MED13L: variants seen among roughly 807,000 people sequenced by gnomAD.
MED13L encodes the protein mediator complex subunit 13L.
MED13L carries 7 observed loss-of-function variants against 220.9 expected under a neutral mutation model. The ratio of observed to expected loss-of-function variants is 0.03; its 90% CI spans 0.02 to 0.06. The LOEUF (loss-of-function observed/expected upper bound fraction) is 0.06. Among genes scored for constraint, MED13L ranks in the 10% least tolerant of loss-of-function variants. MED13L has a pLI of 1.00. For synonymous variants in MED13L, 1,011 were observed against 1,015.2 expected, an observed-to-expected ratio of 1.00 and a Z score of 0.08; for missense variants, 1,965 against 2,760.5, an observed-to-expected ratio of 0.71 and a Z score of 6.46.
At chr12:116,235,280 G>A (rs983996031) in intron 2 of MED13L, among the ~76,000 whole-genome samples, 30 of 152,014 alleles carry the variant, frequency 2.0e-4, no homozygotes, top group African/African-American at 6.8e-4. Flanking sequence ...AAGAGGAGAC[G>A]CACTCAATGA....
At chr12:115,993,938 A>G (rs1878235734) in intron 16 of MED13L, among the ~76,000 whole-genome samples, 1 of 152,212 alleles carries the variant, frequency 6.6e-6, no homozygotes, top group Non-Finnish European at 1.5e-5. Flanking sequence ...GCATGTGACA[A>G]AGGAGGAGTC....
At chr12:116,096,246 T>C (rs1350952541) in intron 4 of MED13L, among the ~76,000 whole-genome samples, 1 of 149,102 alleles carries the variant, frequency 6.7e-6, no homozygotes, top group Non-Finnish European at 1.5e-5. Flanking sequence ...TCCCAGCTAC[T>C]TGGGAGGCTG....
chr12:116,194,619 C>T (rs1881502659), intron 2 of MED13L, among the ~76,000 whole-genome samples: 1 of 152,148 alleles, frequency 6.6e-6, no homozygotes, highest in Non-Finnish European at 1.5e-5. Flanking sequence ...GCTAAATAAA[C>T]TTTGGCTGAA....
intron 4 of MED13L, among the ~76,000 whole-genome samples, chr12:116,067,866 A>G (rs1566040802): frequency 6.6e-6 from 1 of 152,242 alleles, no homozygotes; most frequent in African/African-American, 2.4e-5. Context: ...TGTCTGGAAC[A>G]CAACAAGACT....
intron 2 of MED13L, 75 bp downstream of exon 2, chr12:116,237,393 T>C (rs1870187481): frequency 2.2e-5 from 26 of 1,179,264 alleles, no homozygotes; most frequent in Non-Finnish European, 3.0e-5. Flanking sequence ...CAAGTCTTAA[T>C]AATCTGTTTG....
intron 4 of MED13L, among the ~76,000 whole-genome samples, chr12:116,027,132 C>A (rs944266530): frequency 5.3e-5 from 8 of 152,100 alleles, no homozygotes; most frequent in Non-Finnish European, 1.0e-4. Flanking sequence ...ATTTAAAAAA[C>A]CTAATAACAG....
At chr12:115,968,421 G>A (rs1427793834) in intron 28 of MED13L, among the ~76,000 whole-genome samples, 2 of 152,096 alleles carry the variant, frequency 1.3e-5, no homozygotes, top group Non-Finnish European at 2.9e-5. Context: ...ATCTCCTGGC[G>A]GCTCTTGCCA....
intron 27 of MED13L, 80 bp from the exon 28 acceptor site, chr12:115,969,177 T>C (rs1012164022): frequency 2.7e-6 from 4 of 1,483,010 alleles, no homozygotes; most frequent in African/African-American, 2.8e-5. Context: ...CAACCTAACC[T>C]ATGTCATGTT....
rs571025120 is a variant in MED13L, at chr12:116,150,715, A to G, written c.311-39203T>C. ...ATTATTATCTGTTTGTACAGCTCTAAGCCAGAAAATAGTGAAAACTTATTT... is the reference window on the plus strand; with the variant it reads ...ATTATTATCTGTTTGTACAGCTCTAGGCCAGAAAATAGTGAAAACTTATTT... On this transcript the variant is annotated intron_variant, in intron 2 of 30. Transcript: ENST00000281928. Among the ~76,000 whole-genome samples, 76 of 152,344 alleles carry G rather than the reference A, an allele frequency of 5.0e-4. 1 individual carries two copies. The highest frequency in any genetic ancestry group is 3.4e-3 in the Middle Eastern group (1 of 294).
intron 2 of MED13L, among the ~76,000 whole-genome samples, chr12:116,179,204 CGTGTGTGTGTGTGTGT>C (rs60501771): frequency 6.8e-6 from 1 of 148,096 alleles, no homozygotes; most frequent in South Asian, 2.2e-4. Context: ...TGACGATTTA[CGTGTGTGTGTGTGTGT>C]GTGTGTGTGT....
chr12:116,029,210 T>C (rs575309214), intron 4 of MED13L, among the ~76,000 whole-genome samples: 2 of 143,896 alleles, frequency 1.4e-5, no homozygotes, highest in African/African-American at 5.1e-5. Flanking sequence ...TTGGGGTCTA[T>C]TCTAAAAAGG....
At chr12:116,193,120 C>T (rs1028529658) in intron 2 of MED13L, among the ~76,000 whole-genome samples, 4 of 151,812 alleles carry the variant, frequency 2.6e-5, no homozygotes, top group African/African-American at 7.3e-5. Flanking sequence ...CAGAGCAAGA[C>T]GCCTTCTCAA....
In MED13L at chr12:116,037,839, G is replaced by A. The variant is rs554459142; in HGVS notation, c.480-15238C>T. Among the ~76,000 whole-genome samples, 5 of 152,228 alleles carry A rather than the reference G, an allele frequency of 3.3e-5. No homozygotes were observed. The East Asian group carries it at 5.8e-4, about 18-fold the overall frequency. ...CAGTATGTCCTTAATTCAAAGAGTC[G>A]AAGAGGCTGAGGGGTCCCACTCCGG... On this transcript the variant is annotated intron_variant, in intron 4 of 30. Transcript: ENST00000281928.
intron 4 of MED13L, among the ~76,000 whole-genome samples, chr12:116,040,733 A>G (rs1881473733): frequency 6.6e-6 from 1 of 151,864 alleles, no homozygotes; most frequent in African/African-American, 2.4e-5. Context: ...ACAGTGGAAT[A>G]GTATACAGCA....
chr12:116,249,897 C>T (rs910533610), intron 1 of MED13L, among the ~76,000 whole-genome samples: 1 of 151,130 alleles, frequency 6.6e-6, no homozygotes, highest in Non-Finnish European at 1.5e-5. Context: ...ACGCCATTAA[C>T]GTCTCAGAAT....
In MED13L at chr12:116,277,339, G is replaced by GTC. The variant is rs1565964708; in HGVS notation, c.-209_-208insGA. On this transcript the variant is annotated 5_prime_UTR_variant, in exon 1 of 31. Coordinates refer to ENST00000281928, the MANE Select transcript of MED13L (RefSeq NM_015335.5). ...CAGCGGGCCCGGGCTGGCGGGGGGG[G>GTC]CGCGCGCCCCGGGCCGGCGCTGCGG... 2 of 2,184 alleles carry GTC rather than the reference G, an allele frequency of 9.2e-4. No homozygotes were observed. The highest frequency in any genetic ancestry group is 3.6e-3 in the Admixed American group (1 of 278). 0.1% of individuals were successfully genotyped at this position (2,184 alleles called of 1,614,324 possible). A position where few individuals can be genotyped will look rare whatever the true frequency, so the allele number is the denominator to read the frequency against.
At chr12:116,061,945 T>C (rs1265628567) in intron 4 of MED13L, among the ~76,000 whole-genome samples, 1 of 145,882 alleles carries the variant, frequency 6.9e-6, no homozygotes, top group South Asian at 2.2e-4. Flanking sequence ...GAGGCAGAGC[T>C]TGCAGTGAGC....
chr12:116,082,857 C>T (rs1871325863), intron 4 of MED13L, among the ~76,000 whole-genome samples: 1 of 152,166 alleles, frequency 6.6e-6, no homozygotes, highest in South Asian at 2.1e-4. Context: ...ATGGGAGTTC[C>T]AGCATCTGCT....
At chr12:116,189,834 T>C (rs1479582910) in intron 2 of MED13L, among the ~76,000 whole-genome samples, 1 of 152,226 alleles carries the variant, frequency 6.6e-6, no homozygotes, top group Non-Finnish European at 1.5e-5. Flanking sequence ...TGTGTACATA[T>C]GGTCATTGCT....
Sources: allele counts gnomAD v4.1 joint callset (sites outside exome capture counted in the v4.1 genomes callset), GRCh38; gene constraint gnomAD v4.1.1; transcripts MANE v1.5; gene names NCBI Gene and HGNC (gene_info 2026-07-23, HGNC 2026-07-21).